ACBD4: variants seen among roughly 807,000 people sequenced by gnomAD.
ACBD4 encodes the protein acyl-CoA-binding domain-containing protein 4.
Under a neutral mutation model 46.0 loss-of-function variants are expected in ACBD4, and 41 were observed. That is an observed-to-expected ratio of 0.89 (90% confidence interval 0.69 to 1.16). The LOEUF is 1.16. Ranked by LOEUF, ACBD4 falls within the 50% of genes most tolerant of loss-of-function variation. The pLI is 0.00. For synonymous variants in ACBD4, 162 were observed against 155.9 expected, an observed-to-expected ratio of 1.04 and a Z score of -0.29; for missense variants, 393 against 399.5, an observed-to-expected ratio of 0.98 and a Z score of 0.14.
At chr17:45,134,643 G>A (rs2054676957), upstream of ACBD4, among the ~76,000 whole-genome samples, 1 of 152,026 alleles carries the variant, frequency 6.6e-6, no homozygotes, top group African/African-American at 2.4e-5. Context: ...TGGGCGTGGT[G>A]GCGAGCGCCT....
At chr17:45,142,900 C>A (rs2055384097) in intron 9 of ACBD4, 1 of 153,274 alleles carries the variant, frequency 6.5e-6, no homozygotes, top group Non-Finnish European at 1.5e-5. Context: ...ACAACTTTGG[C>A]CATTCAAGAC....
At chr17:45,138,173 C>A in intron 8 of ACBD4, 185 bp downstream of exon 8, 1 of 659,424 alleles carries the variant, frequency 1.5e-6, no homozygotes, top group East Asian at 2.7e-5. Context: ...AAAGTCCCCG[C>A]CCTCCCTCCT....
upstream of ACBD4, among the ~76,000 whole-genome samples, chr17:45,133,877 C>G (rs1422226819): frequency 6.6e-6 from 1 of 152,150 alleles, no homozygotes; most frequent in Admixed American, 6.5e-5. Context: ...GCTTTTGATC[C>G]TGCCGTTCCT....
In ACBD4 at chr17:45,143,730, C is replaced by T. The variant is rs1466156582; in HGVS notation, c.*159C>T. ...AGCGCGGGGGGCAAATAAGACCCCA[C>T]CCCTCCCTGCAGCTTCACAGGGACG... On this transcript the variant is annotated 3_prime_UTR_variant, in exon 10 of 10. Coordinates refer to ENST00000321854, the MANE Select transcript of ACBD4 (RefSeq NM_001135705.3). The T allele has an allele frequency of 1.7e-5, 20 of 1,211,194 alleles. No individual in the cohort carries two copies. Among genetic ancestry groups the T allele is most frequent in the Admixed American group, 6.9e-5 (3 of 43,630 alleles). 75.0% of individuals were successfully genotyped at this position (1,211,194 alleles called of 1,614,324 possible).
chr17:45,136,400 C>A lies in ACBD4; in HGVS notation c.89-100C>A. 8.2e-6 allele frequency: 12 copies of A among 1,458,674 alleles called. No homozygotes were observed. The South Asian group carries it at 1.2e-4, about 15-fold the overall frequency. 90.4% of individuals were successfully genotyped at this position (1,458,674 alleles called of 1,614,324 possible). ...CTAGTCCAGATGCCCTGGGTGGGAC[C>A]CATCACCACCTCTGCCCTTTCCAAG... On this transcript the variant is annotated intron_variant, in intron 2 of 9. Coordinates refer to ENST00000321854, the MANE Select transcript of ACBD4 (RefSeq NM_001135705.3).
upstream of ACBD4, chr17:45,132,592 G>T (rs2054486610): frequency 3.8e-6 from 1 of 266,482 alleles, no homozygotes; most frequent in Non-Finnish European, 6.9e-6. This position sits in a 1 kb window ranked among gnomAD's most constrained non-coding sequence, Gnocchi z 4.6. Context: ...GAAGGGGGCG[G>T]GGCCGGGGCG....
upstream of ACBD4, chr17:45,132,319 G>A: frequency 4.8e-6 from 6 of 1,244,402 alleles, no homozygotes; most frequent in Non-Finnish European, 6.0e-6. This position sits in a 1 kb window ranked among gnomAD's most constrained non-coding sequence, Gnocchi z 4.6. Context: ...GGACGGGAGA[G>A]CGACCGGCGC....
upstream of ACBD4, chr17:45,132,325 G>C: frequency 8.1e-7 from 1 of 1,240,594 alleles, no homozygotes; most frequent in Non-Finnish European, 1.0e-6. This position sits in a 1 kb window ranked among gnomAD's most constrained non-coding sequence, Gnocchi z 4.6. Context: ...GAGAGCGACC[G>C]GCGCCGCGAC....
chr17:45,142,554 CTTTTT>C (rs531814036), intron 9 of ACBD4: 698 of 169,926 alleles, frequency 4.1e-3, no homozygotes, highest in South Asian at 8.6e-3. Context: ...CACAGTAATT[CTTTTT>C]TTTTTTTTTT....
At position 45,137,035 on chromosome 17, in the gene ACBD4, C is replaced by T. The variant is rs1458513266; in HGVS notation, c.311C>T (p.Pro104Leu). 4.3e-6 allele frequency: 7 copies of T among 1,614,016 alleles called. No homozygotes were observed. Among genetic ancestry groups the T allele is most frequent in the African/African-American group, 2.7e-5 (2 of 74,916 alleles). Residue 104 changes from proline to leucine, a missense_variant, in exon 5 of 10, where the codon CCC becomes CTC. Transcript: ENST00000321854. ...CCCCTACAGGTGATCGACACAGTGC[C>T]CCTGGGTGAGGTGGCAGAGGACATG... is the stretch of plus-strand genomic sequence containing the variant. Reference protein sequence around the residue: ...LVAQKVIDTVPLGEVAEDMFG... With the variant: ...LVAQKVIDTVLLGEVAEDMFG...
intron 5 of ACBD4, 111 bp from the exon 6 acceptor site, chr17:45,137,257 C>T (rs182027487): frequency 7.8e-5 from 125 of 1,595,650 alleles, no homozygotes; most frequent in Admixed American, 1.2e-4. Flanking sequence ...CCCAAGCCCC[C>T]GAGAGGTGGA....
At position 45,143,427 on chromosome 17, in the gene ACBD4, T is replaced by A; in HGVS notation, c.790-16T>A. On this transcript the variant is annotated splice_polypyrimidine_tract_variant and intron_variant, in intron 9 of 9. Transcript: ENST00000321854. ...AGGCCTGGACTGGCCTCTGACTCCC[T>A]CCCTCTTGGCTGCAGAGGCCGCAGC... 1.3e-6 allele frequency: 2 copies of A among 1,596,394 alleles called. No individual in the cohort carries two copies. The highest frequency in any genetic ancestry group is 1.7e-6 in the Non-Finnish European group (2 of 1,174,800).
At chr17:45,134,700 C>A (rs1308284379), upstream of ACBD4, among the ~76,000 whole-genome samples, 1 of 152,040 alleles carries the variant, frequency 6.6e-6, no homozygotes, top group East Asian at 2.0e-4. Flanking sequence ...TGGCGTGAAC[C>A]CGGGAGGCGG....
chr17:45,139,327 A>T (rs1598089519), intron 9 of ACBD4, among the ~76,000 whole-genome samples, 167 bp downstream of exon 9: 2 of 152,072 alleles, frequency 1.3e-5, no homozygotes, highest in Admixed American at 1.3e-4. Context: ...GTGAGGGTGG[A>T]GGGGGCTGAC....
chr17:45,136,192 C>G lies in ACBD4; in HGVS notation c.48C>G (p.Phe16Leu), dbSNP rs2054815467. ...ESPEPDCQKQ[F>L]QAAVSVIQNL... is the part of the protein sequence containing the mutation. The stretch of plus-strand genomic sequence containing the variant: ...CAGAGCCCGACTGCCAGAAACAGTT[C>G]CAGGCTGCAGTGAGCGTCATCCAGA... Residue 16 changes from phenylalanine (F) to leucine (L), a missense_variant, in exon 2 of 10, where the codon TTC (phenylalanine) becomes TTG (leucine). Physicochemically the swap from Phe to Leu is conservative, Grantham distance 22 (BLOSUM62 0). Transcript: ENST00000321854. The G allele has an allele frequency of 6.2e-7, 1 of 1,613,756 alleles. No individual in the cohort carries two copies. Among genetic ancestry groups the G allele is most frequent in the Non-Finnish European group, 8.5e-7 (1 of 1,179,854 alleles).
Position 45,136,636 on chromosome 17 carries a change from G to A in ACBD4, c.209+16G>A. On this transcript the variant is annotated intron_variant, in intron 3 of 9. Coordinates refer to ENST00000321854, the MANE Select transcript of ACBD4 (RefSeq NM_001135705.3). Reference sequence around the variant, plus strand: ...GATATAAGTGGTGAGCTCCCTGCTGGCTGGGCAGACAAGCCTCAGCTGTCA... The same window carrying A: ...GATATAAGTGGTGAGCTCCCTGCTGACTGGGCAGACAAGCCTCAGCTGTCA... The A allele has an allele frequency of 6.2e-7, 1 of 1,613,818 alleles. No homozygotes were observed. The highest frequency in any genetic ancestry group is 8.5e-7 in the Non-Finnish European group (1 of 1,179,864).
chr17:45,132,580 G>T (rs1272385461), upstream of ACBD4: 1 of 252,616 alleles, frequency 4.0e-6, no homozygotes, highest in Non-Finnish European at 7.3e-6. This position sits in a 1 kb window ranked among gnomAD's most constrained non-coding sequence, Gnocchi z 4.6. Context: ...GGGGCGGGAA[G>T]GGAAGGGGGC....
chr17:45,137,926 A>G lies in ACBD4; in HGVS notation c.587A>G (p.Gln196Arg), dbSNP rs199961151. 14 of 1,613,368 alleles carry G rather than the reference A, an allele frequency of 8.7e-6. No homozygotes were observed. The highest frequency in any genetic ancestry group is 1.3e-5 in the African/African-American group (1 of 74,808). Residue 196 changes from glutamine (Q) to arginine (R), a missense_variant, in exon 8 of 10, where the codon CAG becomes CGG. This residue lies in a region of ACBD4 where 308 missense variants were observed against 301.8 expected (regional missense o/e 1.02). Coordinates refer to ENST00000321854, the MANE Select transcript of ACBD4 (RefSeq NM_001135705.3). ...QLEPELVWTE[Q>R]RAASGGKRDP... ...TCATCTCAGCAGGTTTGGACAGAGC[A>G]GCGGGCAGCATCTGGAGGAAAGCGT...
upstream of ACBD4, among the ~76,000 whole-genome samples, chr17:45,133,827 G>C (rs2054619994): frequency 1.3e-5 from 2 of 151,874 alleles, no homozygotes; most frequent in Non-Finnish European, 2.9e-5. Context: ...CACCGCGCCC[G>C]GCCCTGAATT....
Sources: allele counts gnomAD v4.1 joint callset (sites outside exome capture counted in the v4.1 genomes callset), GRCh38; gene constraint gnomAD v4.1.1; regional missense constraint gnomAD v4.1.1; non-coding constraint Gnocchi (gnomAD v3.1); transcripts MANE v1.5; gene names NCBI Gene and HGNC (gene_info 2026-07-23, HGNC 2026-07-21).